IDO2: variants seen among roughly 807,000 people sequenced by gnomAD.
IDO2 encodes indoleamine 2,3-dioxygenase-like 1 protein.
IDO2 carries 46 observed loss-of-function variants against 45.1 expected under a neutral mutation model. That is an observed-to-expected ratio of 1.02 (90% CI 0.80 to 1.30). IDO2 has a LOEUF of 1.30. IDO2 is among the 50% of genes most tolerant of loss of function. The pLI, the probability that IDO2 is intolerant of heterozygous loss-of-function variation, is 0.00. For synonymous variants in IDO2, 218 were observed against 184.9 expected (o/e 1.18, Z -1.45); for missense variants, 544 against 491.8 (o/e 1.11, Z -1.00).
chr8:39,963,588 T>C lies in IDO2; in HGVS notation c.100-20T>C. The C allele has an allele frequency of 2.7e-6, 4 of 1,486,248 alleles. 1 individual carries two copies. The highest frequency in any genetic ancestry group is 3.4e-4 in the Middle Eastern group (2 of 5,806). 92.1% of individuals were successfully genotyped at this position (1,486,248 alleles called of 1,614,324 possible). On this transcript the variant is annotated intron_variant, in intron 2 of 10. Transcript: ENST00000502986. Reference sequence around the variant, plus strand: ...TCCAGAGAGGTCTAAAATATTTACATGTTTCTATTTTAAATGCAGAAAGAA... The same window carrying C: ...TCCAGAGAGGTCTAAAATATTTACACGTTTCTATTTTAAATGCAGAAAGAA...
chr8:39,999,666 G>T (rs914570804), intron 8 of IDO2, among the ~76,000 whole-genome samples: 1 of 152,152 alleles, frequency 6.6e-6, no homozygotes, highest in Admixed American at 6.5e-5. Context: ...ATTTCACTGT[G>T]TTGGCCAGGC....
chr8:39,986,021 C>T (rs1270043380), intron 6 of IDO2: 4 of 153,478 alleles, frequency 2.6e-5, no homozygotes, highest in Non-Finnish European at 5.8e-5. Flanking sequence ...GTTGAGACAG[C>T]GTTTCACTAT....
intron 8 of IDO2, among the ~76,000 whole-genome samples, chr8:40,000,314 G>T (rs1366002395): frequency 1.3e-5 from 2 of 151,982 alleles, no homozygotes; most frequent in Non-Finnish European, 1.5e-5. Flanking sequence ...GGAAGCTGAG[G>T]CAGGAGAATC....
intron 8 of IDO2, among the ~76,000 whole-genome samples, chr8:40,004,528 T>C (rs1802187274): frequency 7.1e-6 from 1 of 140,776 alleles, no homozygotes; most frequent in Admixed American, 7.1e-5. Context: ...AGACAGATGA[T>C]AGATAGATAG....
At chr8:39,994,686 C>T (rs989680130) in intron 8 of IDO2, among the ~76,000 whole-genome samples, 5 of 52,442 alleles carry the variant, frequency 9.5e-5, no homozygotes, top group African/African-American at 2.7e-4. Context: ...ATTGTTCCTA[C>T]GGTTCAGCCT....
At chr8:40,011,014 G>A (rs7004463) in intron 9 of IDO2, among the ~76,000 whole-genome samples, 13,896 of 152,134 alleles carry the variant, frequency 0.091, 759 homozygotes, top group Admixed American at 0.17. Context: ...GGGTTCAAGC[G>A]ATACTCCTGC....
At chr8:39,967,854 A>G (rs1460484245) in intron 3 of IDO2, among the ~76,000 whole-genome samples, 1 of 152,250 alleles carries the variant, frequency 6.6e-6, no homozygotes, top group East Asian at 1.9e-4. Flanking sequence ...AAAATACTGA[A>G]GAGGACGTAT....
chr8:39,938,991 T>C (rs1807599044), intron 1 of IDO2, among the ~76,000 whole-genome samples: 1 of 152,130 alleles, frequency 6.6e-6, no homozygotes, highest in Non-Finnish European at 1.5e-5. Flanking sequence ...CAGTGGCTCA[T>C]GCCTGTAATC....
intron 2 of IDO2, among the ~76,000 whole-genome samples, chr8:39,956,077 T>C (rs1160684855): frequency 2.4e-5 from 3 of 122,876 alleles, no homozygotes; most frequent in African/African-American, 8.2e-5. Context: ...TTTTTTTTTT[T>C]GAGACAGAGT....
At chr8:39,939,211 C>T (rs1057196259) in intron 1 of IDO2, among the ~76,000 whole-genome samples, 7 of 140,786 alleles carry the variant, frequency 5.0e-5, no homozygotes, top group African/African-American at 1.8e-4. Context: ...CCACTGCACT[C>T]TAGCCTGGGC....
At chr8:39,999,435 C>A (rs1007365402) in intron 8 of IDO2, among the ~76,000 whole-genome samples, 1 of 151,784 alleles carries the variant, frequency 6.6e-6, no homozygotes, top group East Asian at 1.9e-4. Context: ...CCTGCCAACA[C>A]GCCAGGCTAA....
intron 3 of IDO2, among the ~76,000 whole-genome samples, chr8:39,964,005 C>A (rs573963187): frequency 6.6e-6 from 1 of 152,140 alleles, no homozygotes; most frequent in Non-Finnish European, 1.5e-5. Flanking sequence ...GACAAGGTAT[C>A]GCCTAAGAAG....
At chr8:39,936,106 A>G (rs1329885584) in intron 1 of IDO2, among the ~76,000 whole-genome samples, 3 of 152,212 alleles carry the variant, frequency 2.0e-5, no homozygotes, top group African/African-American at 4.8e-5. Context: ...ATCAGTAAGT[A>G]CAGGTTTAAC....
In IDO2 at chr8:40,015,168, T is replaced by C. The variant is rs201710437; in HGVS notation, c.869-79T>C. The stretch of plus-strand genomic sequence containing the variant: ...AGATCTCATCTAGAGAAAAAAAAAA[T>C]AAAAAAGAAGAAGAAGCAGACGAGC... On this transcript the variant is annotated intron_variant, in intron 10 of 10. Transcript: ENST00000502986. The C allele has an allele frequency of 1.2e-3, 989 of 841,044 alleles. 1 individual carries two copies. Among genetic ancestry groups the C allele is most frequent in the Non-Finnish European group, 1.6e-3 (874 of 540,610 alleles). The allele number at this position is 841,044 out of a possible 1,614,324, so 52.1% of individuals were successfully genotyped here.
chr8:39,961,915 G>C (rs1808003639), intron 2 of IDO2, among the ~76,000 whole-genome samples: 2 of 152,134 alleles, frequency 1.3e-5, no homozygotes, highest in Non-Finnish European at 2.9e-5. Flanking sequence ...AAGAGCCTCA[G>C]GTTAGGGGGA....
rs537774954 is a variant in IDO2, at chr8:39,961,778, G to T, written c.100-1830G>T. On this transcript the variant is annotated intron_variant, in intron 2 of 10. Coordinates refer to ENST00000502986, the Ensembl canonical transcript of IDO2. ...TATCCCCACTCTTTGACTTTCACCT[G>T]CATTTCTGTTTCAATTCTTGTTTCC... Among the ~76,000 whole-genome samples, 25 of 152,196 alleles carry T rather than the reference G, an allele frequency of 1.6e-4. No homozygotes were observed. In the South Asian group the frequency reaches 3.5e-3, roughly 21 times the overall value.
intron 8 of IDO2, chr8:39,998,067 T>C: frequency 4.4e-6 from 1 of 228,686 alleles, no homozygotes; most frequent in Middle Eastern, 5.9e-4. Context: ...CTTTCTGAGT[T>C]TCTGAGGGAT....
intron 3 of IDO2, among the ~76,000 whole-genome samples, chr8:39,970,585 T>C (rs531672117): frequency 2.0e-5 from 3 of 151,928 alleles, no homozygotes; most frequent in South Asian, 2.1e-4. Flanking sequence ...AGAGACGGGG[T>C]TTCACCACAT....
In IDO2 at chr8:39,985,639, A is replaced by G. The variant is rs1359424832; in HGVS notation, c.449+117A>G. 4 of 824,018 alleles carry G rather than the reference A, an allele frequency of 4.9e-6. No individual in the cohort carries two copies. The African/African-American group carries it at 5.2e-5, about 11-fold the overall frequency. The allele number at this position is 824,018 out of a possible 1,614,324, so 51.0% of individuals were successfully genotyped here. On this transcript the variant is annotated intron_variant, in intron 6 of 10. Coordinates refer to ENST00000502986, the Ensembl canonical transcript of IDO2. Reference sequence around the variant, plus strand: ...TGTATAATATAATATCAACCATATAAAATGCATAAAAAATATACTAGAAGG... The same window carrying G: ...TGTATAATATAATATCAACCATATAGAATGCATAAAAAATATACTAGAAGG...
Sources: allele counts gnomAD v4.1 joint callset (sites outside exome capture counted in the v4.1 genomes callset), GRCh38; gene constraint gnomAD v4.1.1; transcripts MANE v1.5; gene names NCBI Gene and HGNC (gene_info 2026-07-23, HGNC 2026-07-21).